Variants in NTN4 observed in about 807,000 individuals in gnomAD.
The protein encoded by NTN4 is netrin 4, also known as netrin-4.
A neutral mutation model predicts 73.6 loss-of-function variants in NTN4; 32 were observed. The ratio of observed to expected loss-of-function variants is 0.44; its 90% CI spans 0.33 to 0.58. The LOEUF is 0.58. NTN4 is among the 20% of genes least tolerant of loss of function. The probability of loss-of-function intolerance (pLI) is 0.04; values close to 1 mark genes in which losing one functional copy is unlikely to be tolerated. For synonymous variants in NTN4, 258 were observed against 287.5 expected, an observed-to-expected ratio of 0.90 and a Z score of 1.04; for missense variants, 654 against 798.3, an observed-to-expected ratio of 0.82 and a Z score of 2.18.
intron 2 of NTN4, among the ~76,000 whole-genome samples, chr12:95,777,254 T>G (rs2121287842): frequency 6.6e-6 from 1 of 152,224 alleles, no homozygotes; most frequent in South Asian, 2.1e-4. Context: ...CTGCATCAAC[T>G]AAACAGCAAA....
intron 2 of NTN4, among the ~76,000 whole-genome samples, chr12:95,741,467 A>ATCTATATC (rs1555219306): frequency 2.2e-4 from 24 of 108,696 alleles, no homozygotes; most frequent in African/African-American, 7.5e-4. Flanking sequence ...ATATATATAT[A>ATCTATATC]TATATATCTC....
intron 2 of NTN4, among the ~76,000 whole-genome samples, chr12:95,741,427 TTATATATATATATATATATATATATATA>T (rs1174318245): frequency 2.2e-4 from 11 of 51,042 alleles, no homozygotes; most frequent in Admixed American, 3.1e-4. Context: ...TATGTATAAA[TTATATATATATATATATATATATATATA>T]TATATATATA....
In NTN4 at chr12:95,696,166, G is replaced by A. The variant is rs569591317; in HGVS notation, c.1181-12455C>T. Reference sequence around the variant, plus strand: ...CCTAACTGTGTCTATCTTCGATCTCGCCTTTGAACTGATGCGGTTCATCCT... The same window carrying A: ...CCTAACTGTGTCTATCTTCGATCTCACCTTTGAACTGATGCGGTTCATCCT... On this transcript the variant is annotated intron_variant, in intron 5 of 9. Coordinates refer to ENST00000343702, the MANE Select transcript of NTN4 (RefSeq NM_021229.4). Among the ~76,000 whole-genome samples, 21 of 151,990 alleles carry A rather than the reference G, an allele frequency of 1.4e-4. No homozygotes were observed. In the East Asian group the frequency reaches 2.9e-3, roughly 21 times the overall value.
intron 7 of NTN4, among the ~76,000 whole-genome samples, chr12:95,670,791 G>A (rs1376413155): frequency 6.6e-6 from 1 of 152,122 alleles, no homozygotes; most frequent in Non-Finnish European, 1.5e-5. Context: ...CTGGGAAGAT[G>A]GGAAAAAACT....
chr12:95,667,724 G>A (rs1390059654), intron 8 of NTN4, among the ~76,000 whole-genome samples: 1 of 152,026 alleles, frequency 6.6e-6, no homozygotes, highest in Non-Finnish European at 1.5e-5. Flanking sequence ...GCTGGGTGTG[G>A]TGGTGCATGC....
At chr12:95,769,550 CAA>C (rs60702860) in intron 2 of NTN4, among the ~76,000 whole-genome samples, 5 of 130,370 alleles carry the variant, frequency 3.8e-5, no homozygotes, top group Admixed American at 1.7e-4. Context: ...ATTTATAGAC[CAA>C]AAAAAAAAAA....
intron 5 of NTN4, among the ~76,000 whole-genome samples, chr12:95,708,883 T>C (rs1024832880): frequency 6.6e-5 from 10 of 152,196 alleles, no homozygotes; most frequent in African/African-American, 2.4e-4. Flanking sequence ...CAGCTGGCAA[T>C]TGGCAGTGAA....
intron 2 of NTN4, among the ~76,000 whole-genome samples, chr12:95,780,755 G>A (rs1016954756): frequency 1.3e-5 from 2 of 152,174 alleles, no homozygotes; most frequent in African/African-American, 4.8e-5. Context: ...ATTCCTCAGG[G>A]ATCTAGAACT....
At chr12:95,668,020 G>A (rs1226661869) in intron 8 of NTN4, among the ~76,000 whole-genome samples, 1 of 152,074 alleles carries the variant, frequency 6.6e-6, no homozygotes, top group African/African-American at 2.4e-5. Context: ...TGTGGCTAAC[G>A]CTCAGTAAAT....
intron 2 of NTN4, among the ~76,000 whole-genome samples, chr12:95,774,228 A>G (rs961582775): frequency 2.0e-5 from 3 of 151,842 alleles, no homozygotes; most frequent in African/African-American, 4.8e-5. Flanking sequence ...TAATCATATA[A>G]ATAACTTCAA....
chr12:95,745,994 T>TA (rs1565905267), intron 2 of NTN4, among the ~76,000 whole-genome samples: 1 of 152,188 alleles, frequency 6.6e-6, no homozygotes, highest in Admixed American at 6.5e-5. Context: ...CTTCAGGGTG[T>TA]AATGCCCAAC....
intron 5 of NTN4, among the ~76,000 whole-genome samples, chr12:95,688,718 T>A (rs2078380391): frequency 6.6e-6 from 1 of 150,456 alleles, no homozygotes; most frequent in African/African-American, 2.5e-5. Flanking sequence ...CCATAGGTAC[T>A]GGCAGTTGGA....
At chr12:95,738,274 A>T (rs2078796633) in intron 2 of NTN4, 130 bp from the exon 3 acceptor site, 4 of 875,018 alleles carry the variant, frequency 4.6e-6, no homozygotes, top group Non-Finnish European at 5.3e-6. Flanking sequence ...AGAAGTTTTT[A>T]GACCTTGAGC....
intron 5 of NTN4, among the ~76,000 whole-genome samples, chr12:95,692,155 C>G (rs1298894465): frequency 1.3e-5 from 2 of 152,044 alleles, no homozygotes; most frequent in African/African-American, 4.8e-5. Flanking sequence ...CCTGCCCCAG[C>G]CTCCTGAGTA....
At chr12:95,773,053 A>G (rs2079068472) in intron 2 of NTN4, among the ~76,000 whole-genome samples, 1 of 148,448 alleles carries the variant, frequency 6.7e-6, no homozygotes, top group Non-Finnish European at 1.5e-5. Flanking sequence ...CCCAGGCTGG[A>G]GTGAAGTGGC....
chr12:95,777,439 T>C (rs1332039740), intron 2 of NTN4, among the ~76,000 whole-genome samples: 1 of 152,114 alleles, frequency 6.6e-6, no homozygotes, highest in African/African-American at 2.4e-5. Context: ...GAGACATGCA[T>C]AGGCTCATAT....
rs187818200 is a variant in NTN4, at chr12:95,782,007, A to G, written c.585+4932T>C. 6.6e-5 allele frequency among the ~76,000 whole-genome samples: 10 copies of G among 152,300 alleles called. No homozygotes were observed. In the East Asian group the frequency reaches 1.9e-3, roughly 29 times the overall value. On this transcript the variant is annotated intron_variant, in intron 2 of 9. Transcript: ENST00000343702. ...ATTATTTGAATAAATGGGTGAATAA[A>G]CATCATTTAAGATCCTCTATTGGTT...
At chr12:95,662,743 T>C (rs2078148224) in intron 9 of NTN4, among the ~76,000 whole-genome samples, 1 of 152,230 alleles carries the variant, frequency 6.6e-6, no homozygotes, top group South Asian at 2.1e-4. Context: ...TAGTTAAAAA[T>C]ATAATAGCCT....
rs530202238 is a variant in NTN4, at chr12:95,790,333, C to A, written c.-24G>T. On this transcript the variant is annotated 5_prime_UTR_variant, in exon 1 of 10. Transcript: ENST00000343702. This position sits in a 1 kb window ranked among gnomAD's most constrained non-coding sequence, Gnocchi z 6.5. ...ATGGCCGGGAGGAGCCGGGAGCAGC[C>A]GGGCCGGGCGGGTGCCGGAGGGAGC... The A allele has an allele frequency of 5.9e-6, 9 of 1,519,132 alleles. No individual in the cohort carries two copies. The highest frequency in any genetic ancestry group is 7.9e-6 in the Non-Finnish European group (9 of 1,134,094). The allele number at this position is 1,519,132 out of a possible 1,614,324, so 94.1% of individuals were successfully genotyped here. A position where few individuals can be genotyped will look rare whatever the true frequency, so the allele number is the denominator to read the frequency against.
Sources: allele counts gnomAD v4.1 joint callset (sites outside exome capture counted in the v4.1 genomes callset), GRCh38; gene constraint gnomAD v4.1.1; non-coding constraint Gnocchi (gnomAD v3.1); transcripts MANE v1.5; gene names NCBI Gene and HGNC (gene_info 2026-07-23, HGNC 2026-07-21).